Variants in UBTD2 observed in about 807,000 individuals in gnomAD.
UBTD2 encodes the protein ubiquitin domain-containing protein 2.
A neutral mutation model predicts 19.8 loss-of-function variants in UBTD2; 9 were observed. The ratio of observed to expected loss-of-function variants is 0.46; its 90% confidence interval spans 0.27 to 0.79. The LOEUF is 0.79. UBTD2 is among the 30% of genes least tolerant of loss of function. The pLI is 0.14. For missense variants in UBTD2, 250 were observed against 300.4 expected (o/e 0.83, Z 1.24); for synonymous variants, 98 against 103.9 (o/e 0.94, Z 0.35).
intron 1 of UBTD2, among the ~76,000 whole-genome samples, chr5:172,248,356 A>C (rs932586604): frequency 2.6e-5 from 4 of 152,004 alleles, no homozygotes; most frequent in African/African-American, 9.7e-5. Flanking sequence ...TTGGGAGGCC[A>C]AGGCGGGCAG....
rs10057446 is a variant in UBTD2 at position 172,253,471 on chromosome 5, T to C, written c.71-19113A>G. On this transcript the variant is annotated intron_variant, in intron 1 of 2. Transcript: ENST00000393792. ...CAACCCTATCAATTTTTTTTTTTTT[T>C]TGAGATGGAGTCTCACTCTGTTGCC... is the stretch of plus-strand genomic sequence containing the variant. 9.5e-3 allele frequency among the ~76,000 whole-genome samples: 1,442 copies of C among 151,958 alleles called. 30 individuals carry two copies. The highest frequency in any genetic ancestry group is 0.033 in the African/African-American group (1,353 of 41,422).
At chr5:172,246,533 C>T (rs1253061578) in intron 1 of UBTD2, among the ~76,000 whole-genome samples, 2 of 149,784 alleles carry the variant, frequency 1.3e-5, no homozygotes, top group Non-Finnish European at 3.0e-5. Flanking sequence ...CAACCTCCGC[C>T]TCCCAGGTCC....
chr5:172,248,868 G>A (rs1754934182), intron 1 of UBTD2, among the ~76,000 whole-genome samples: 2 of 152,042 alleles, frequency 1.3e-5, no homozygotes, highest in Admixed American at 6.6e-5. Flanking sequence ...GAGCCTGGGA[G>A]GTGGGGCTGC....
chr5:172,257,219 T>C (rs1339161217), intron 1 of UBTD2, among the ~76,000 whole-genome samples: 1 of 152,184 alleles, frequency 6.6e-6, no homozygotes, highest in Non-Finnish European at 1.5e-5. Flanking sequence ...TCCCACTTAT[T>C]AGTGAAAACA....
intron 1 of UBTD2, among the ~76,000 whole-genome samples, chr5:172,252,149 C>T (rs1251279141): frequency 6.6e-6 from 1 of 152,226 alleles, no homozygotes; most frequent in African/African-American, 2.4e-5. Context: ...TTAACCAGGA[C>T]TATTCTGCCT....
chr5:172,212,046 G>A lies in UBTD2; in HGVS notation c.489C>T (p.Asp163=), dbSNP rs1261928096. The stretch of plus-strand genomic sequence containing the variant: ...CTGTGCTGCGAACCACAAGCTTGAG[G>A]TCTTTGCCTGTGGAAAGGCGCAAAC... ...QLRLRLSTGK[D]LKLVVRSTDT... Residue 163 remains aspartate, a synonymous_variant, in exon 3 of 3, where the codon GAC becomes GAT. Coordinates refer to ENST00000393792, the MANE Select transcript of UBTD2 (RefSeq NM_152277.3). 13 of 1,614,074 alleles carry A rather than the reference G, an allele frequency of 8.1e-6. No individual in the cohort carries two copies. The highest frequency in any genetic ancestry group is 1.1e-5 in the Non-Finnish European group (13 of 1,180,040).
chr5:172,248,605 C>T (rs919799924), intron 1 of UBTD2, among the ~76,000 whole-genome samples: 6 of 150,040 alleles, frequency 4.0e-5, no homozygotes, highest in African/African-American at 1.5e-4. Context: ...AAAAACAACC[C>T]ACAAAAATTA....
chr5:172,232,189 C>G (rs1581215645), intron 2 of UBTD2, among the ~76,000 whole-genome samples: 1 of 152,238 alleles, frequency 6.6e-6, no homozygotes, highest in Non-Finnish European at 1.5e-5. Context: ...ATGAAAATTG[C>G]TTGAACCTGG....
rs374370898 is a variant in UBTD2 at position 172,234,355 on chromosome 5, G to A, written c.74C>T (p.Ala25Val). The A allele has an allele frequency of 9.3e-6, 15 of 1,613,398 alleles. No homozygotes were observed. The highest frequency in any genetic ancestry group is 1.3e-5 in the Non-Finnish European group (15 of 1,179,700). Residue 25 changes from alanine to valine, a missense_variant, in exon 2 of 3, where the codon GCT becomes GTT. Ala to Val is a moderately conservative substitution (Grantham distance 64, BLOSUM62 0). Transcript: ENST00000393792. ...TTTCAAAGGCTGGTTACGACCTAGA[G>A]CAACTGAAAAGAAAAATAAAAGACT... ...LNENSEGTGVALGRNQPLKKE... is the reference protein window; with the variant it reads ...LNENSEGTGVVLGRNQPLKKE...
chr5:172,256,529 G>GTT lies in UBTD2; in HGVS notation c.71-22172_71-22171insAA, dbSNP rs752604475. On this transcript the variant is annotated intron_variant, in intron 1 of 2. Coordinates refer to ENST00000393792, the MANE Select transcript of UBTD2 (RefSeq NM_152277.3). ...CTACAGGTGCATGCCACCATGCCCA[G>GTT]CTTTTTTTTTTTTTTTTTAGTAGAC... Among the ~76,000 whole-genome samples the GTT allele has an allele frequency of 8.3e-4, 101 of 121,294 alleles. 3 individuals carry two copies. Among genetic ancestry groups the GTT allele is most frequent in the Non-Finnish European group, 1.1e-3 (69 of 60,274 alleles). 79.6% of individuals were successfully genotyped at this position (121,294 alleles called of 152,430 possible).
chr5:172,239,244 G>C (rs540616803), intron 1 of UBTD2, among the ~76,000 whole-genome samples: 1 of 152,132 alleles, frequency 6.6e-6, no homozygotes, highest in African/African-American at 2.4e-5. Flanking sequence ...ATGTAACAAG[G>C]ATGGCTTAAA....
intron 1 of UBTD2, among the ~76,000 whole-genome samples, chr5:172,275,121 C>G (rs1002345784): frequency 6.6e-5 from 10 of 152,110 alleles, no homozygotes; most frequent in African/African-American, 2.4e-4. Context: ...GGGGAGGCCT[C>G]AGGAAACTTA....
chr5:172,220,763 C>T (rs1771635190), intron 2 of UBTD2, among the ~76,000 whole-genome samples: 1 of 152,148 alleles, frequency 6.6e-6, no homozygotes, highest in Non-Finnish European at 1.5e-5. Context: ...ACTGGAAGTC[C>T]TAGCTAATGC....
intron 1 of UBTD2, among the ~76,000 whole-genome samples, chr5:172,247,719 G>C (rs1346519005): frequency 2.0e-5 from 3 of 152,168 alleles, no homozygotes; most frequent in Non-Finnish European, 4.4e-5. Flanking sequence ...GGGAGATACA[G>C]TTCTACAAAC....
At chr5:172,272,600 T>A (rs1755516095) in intron 1 of UBTD2, among the ~76,000 whole-genome samples, 3 of 152,224 alleles carry the variant, frequency 2.0e-5, no homozygotes, top group African/African-American at 4.8e-5. Flanking sequence ...GATAAGAATG[T>A]GTTTTAGTCA....
chr5:172,230,208 C>T (rs1030624175), intron 2 of UBTD2, among the ~76,000 whole-genome samples: 3 of 152,170 alleles, frequency 2.0e-5, no homozygotes, highest in Non-Finnish European at 4.4e-5. Context: ...CTCTTACTCT[C>T]CCCATTGCCA....
chr5:172,266,348 T>C (rs1031011934), intron 1 of UBTD2, among the ~76,000 whole-genome samples: 1 of 152,220 alleles, frequency 6.6e-6, no homozygotes, highest in Admixed American at 6.5e-5. Context: ...ACTGGTTTCA[T>C]CTGAATCTAA....
chr5:172,244,873 C>A (rs1370582058), intron 1 of UBTD2, among the ~76,000 whole-genome samples: 5 of 151,714 alleles, frequency 3.3e-5, no homozygotes, highest in Non-Finnish European at 5.9e-5. Flanking sequence ...AGATTACAGG[C>A]ACCTGCCACC....
chr5:172,234,356 C>A lies in UBTD2; in HGVS notation c.73G>T (p.Ala25Ser), dbSNP rs747532263. 3 of 1,613,178 alleles carry A rather than the reference C, an allele frequency of 1.9e-6. No homozygotes were observed. The highest frequency in any genetic ancestry group is 3.3e-5 in the Admixed American group (2 of 59,838). Residue 25 changes from alanine (A) to serine (S), a missense_variant and splice_region_variant, in exon 2 of 3, where the codon GCT (alanine) becomes TCT (serine). By Grantham distance (99) the Ala-to-Ser change is moderately conservative. Coordinates refer to ENST00000393792, the MANE Select transcript of UBTD2 (RefSeq NM_152277.3). ...LNENSEGTGV[A>S]LGRNQPLKKE... ...TTCAAAGGCTGGTTACGACCTAGAG[C>A]AACTGAAAAGAAAAATAAAAGACTG...
Sources: allele counts gnomAD v4.1 joint callset (sites outside exome capture counted in the v4.1 genomes callset), GRCh38; gene constraint gnomAD v4.1.1; transcripts MANE v1.5; gene names NCBI Gene and HGNC (gene_info 2026-07-23, HGNC 2026-07-21).